Variants in FASTKD2 observed in about 807,000 individuals in gnomAD.
FASTKD2 encodes FAST kinase domain-containing protein 2, mitochondrial.
Under a neutral mutation model 63.6 loss-of-function variants are expected in FASTKD2, and 51 were observed. The ratio of observed to expected loss-of-function variants is 0.80; its 90% CI spans 0.64 to 1.01. The LOEUF is 1.01. FASTKD2 is among the 50% of genes least tolerant of loss of function. The probability of loss-of-function intolerance (pLI) is 0.00; values close to 1 mark genes in which losing one functional copy is unlikely to be tolerated. For missense variants in FASTKD2, 786 were observed against 831.1 expected, an observed-to-expected ratio of 0.95 and a Z score of 0.67; for synonymous variants, 284 against 293.4, an observed-to-expected ratio of 0.97 and a Z score of 0.33.
chr2:206,771,776 C>A lies in FASTKD2; in HGVS notation c.991-118C>A, dbSNP rs187368105. 6 of 766,878 alleles carry A rather than the reference C, an allele frequency of 7.8e-6. No homozygotes were observed. In the Admixed American group the frequency reaches 1.1e-4, roughly 14 times the overall value. The allele number at this position is 766,878 out of a possible 1,614,324, so 47.5% of individuals were successfully genotyped here. The stretch of plus-strand genomic sequence containing the variant: ...GGCTGAGGCAGGAGGATCACTTGAG[C>A]CTGGGAGGTTGAGGCTCCAACCTGG... On this transcript the variant is annotated intron_variant, in intron 4 of 11. Transcript: ENST00000402774.
Position 206,767,093 on chromosome 2 carries a change from A to G in FASTKD2, c.400A>G (p.Asn134Asp), listed in dbSNP as rs1480820339. Reference sequence around the variant, plus strand: ...ATCTGATGATGAATTGAAGAAAGTAAACCTTAATCATGAAGTCTCCAATGA... The same window carrying G: ...ATCTGATGATGAATTGAAGAAAGTAGACCTTAATCATGAAGTCTCCAATGA... ...DKSDDELKKV[N>D]LNHEVSNEDV... The change falls in exon 2 of 12, where the codon AAC becomes GAC. Residue 134 changes from asparagine to aspartate, a missense_variant. Coordinates refer to ENST00000402774, the MANE Select transcript of FASTKD2 (RefSeq NM_001136193.2). The G allele has an allele frequency of 6.2e-7, 1 of 1,614,158 alleles. No homozygotes were observed. The highest frequency in any genetic ancestry group is 8.5e-7 in the Non-Finnish European group (1 of 1,180,000).
intron 9 of FASTKD2, 82 bp from the exon 10 acceptor site, chr2:206,788,731 CAAAAAA>C: frequency 1.8e-5 from 10 of 566,834 alleles, no homozygotes; most frequent in Non-Finnish European, 2.7e-5. Context: ...GACCACATCT[CAAAAAA>C]AAAAAAAAAA....
At position 206,771,998 on chromosome 2, in the gene FASTKD2, A is replaced by T; in HGVS notation, c.1095A>T (p.Glu365Asp). The T allele has an allele frequency of 6.2e-7, 1 of 1,613,782 alleles. No homozygotes were observed. Among genetic ancestry groups the T allele is most frequent in the Non-Finnish European group, 8.5e-7 (1 of 1,179,686 alleles). The change falls in exon 5 of 12, where the codon GAA becomes GAT. Residue 365 changes from glutamate (E) to aspartate (D), a missense_variant. Physicochemically the swap from Glu to Asp is conservative, Grantham distance 45 (BLOSUM62 2). Transcript: ENST00000402774. ...ACCGATCTCTTATACTCCTGGATGA[A>T]TGCAGTAAGGTGGTCCTAGGTAAGA... is the stretch of plus-strand genomic sequence containing the variant. Reference protein sequence around the residue: ...MNHRSLILLDECSKVVLDNIH... With the variant: ...MNHRSLILLDDCSKVVLDNIH...
chr2:206,771,131 C>G, intron 3 of FASTKD2, 51 bp from the exon 4 acceptor site: 3 of 1,138,540 alleles, frequency 2.6e-6, no homozygotes, highest in Non-Finnish European at 3.9e-6. Context: ...TAAGATTTTT[C>G]TTCTGCTTTG....
chr2:206,774,869 A>G (rs12470963), intron 7 of FASTKD2, among the ~76,000 whole-genome samples: 24,398 of 151,944 alleles, frequency 0.16, 3,045 homozygotes, highest in East Asian at 0.64. Flanking sequence ...ATCTTGCATA[A>G]CTGAAACTTT....
intron 7 of FASTKD2, among the ~76,000 whole-genome samples, chr2:206,779,376 T>G (rs1478690603): frequency 3.9e-5 from 6 of 152,212 alleles, no homozygotes; most frequent in Non-Finnish European, 8.8e-5. Flanking sequence ...TATTAGTCTA[T>G]TCTCACGTTG....
At chr2:206,772,123 A>G (rs978360192) in intron 5 of FASTKD2, 58 bp from the exon 6 acceptor site, 20 of 1,590,374 alleles carry the variant, frequency 1.3e-5, no homozygotes, top group African/African-American at 2.7e-5. Flanking sequence ...AGAATAAAGC[A>G]TGTTGTATTC....
rs1256699887 is a variant in FASTKD2, at chr2:206,791,952, A to G, written c.*150A>G. ...AAAATTAATTTTAGGAGTGGAAGAA[A>G]TGTTGTTACTGCCATTTAAAAATAT... On this transcript the variant is annotated 3_prime_UTR_variant, in exon 12 of 12. Transcript: ENST00000402774. 5 of 694,154 alleles carry G rather than the reference A, an allele frequency of 7.2e-6. No individual in the cohort carries two copies. Among genetic ancestry groups the G allele is most frequent in the South Asian group, 5.5e-5 (3 of 54,860 alleles). The allele number at this position is 694,154 out of a possible 1,614,324, so 43.0% of individuals were successfully genotyped here.
At position 206,774,305 on chromosome 2, in the gene FASTKD2, A is replaced by G. The variant is rs766737961; in HGVS notation, c.1335A>G (p.Val445=). The G allele has an allele frequency of 6.2e-7, 1 of 1,604,470 alleles. No individual in the cohort carries two copies. Among genetic ancestry groups the G allele is most frequent in the Non-Finnish European group, 8.5e-7 (1 of 1,171,686 alleles). Residue 445 remains valine, a synonymous_variant, in exon 7 of 12, where the codon GTA becomes GTG. Transcript: ENST00000402774. ...GLMDLFMKRI[V]EDPESLNMKN... Reference sequence around the variant, plus strand: ...TGGACCTGTTTATGAAGAGAATAGTAGAGGATCCTGAATCCCTAAACATGA... The same window carrying G: ...TGGACCTGTTTATGAAGAGAATAGTGGAGGATCCTGAATCCCTAAACATGA...
At chr2:206,776,637 T>A (rs1028790497) in intron 7 of FASTKD2, among the ~76,000 whole-genome samples, 1 of 152,134 alleles carries the variant, frequency 6.6e-6, no homozygotes, top group Non-Finnish European at 1.5e-5. Context: ...CATATTCTTT[T>A]ACTATGTGTA....
intron 2 of FASTKD2, among the ~76,000 whole-genome samples, chr2:206,768,147 G>A (rs1689575851): frequency 6.6e-6 from 1 of 152,182 alleles, no homozygotes; most frequent in Non-Finnish European, 1.5e-5. Context: ...TTATCCTGTA[G>A]GCAATGGGAA....
At position 206,767,197 on chromosome 2, in the gene FASTKD2, T is replaced by A; in HGVS notation, c.504T>A (p.Asp168Glu). ...CTGAGGAATGTAATTCCCTGAGTGA[T>A]GTGTTAGATGCATTTTCAAAAGCGC... Reference protein sequence around the residue: ...KLSEECNSLSDVLDAFSKAPT... With the variant: ...KLSEECNSLSEVLDAFSKAPT... The change falls in exon 2 of 12, where the codon GAT becomes GAA. Residue 168 changes from aspartate to glutamate, a missense_variant. Transcript: ENST00000402774. 1.2e-6 allele frequency: 2 copies of A among 1,614,234 alleles called. No individual in the cohort carries two copies. Among genetic ancestry groups the A allele is most frequent in the Middle Eastern group, 1.6e-4 (1 of 6,062 alleles).
chr2:206,788,834 T>C lies in FASTKD2; in HGVS notation c.1829T>C (p.Met610Thr). 6.5e-7 allele frequency: 1 copy of C among 1,542,578 alleles called. No homozygotes were observed. Among genetic ancestry groups the C allele is most frequent in the Non-Finnish European group, 9.0e-7 (1 of 1,115,470 alleles). The change falls in exon 10 of 12, where the codon ATG becomes ACG. Residue 610 changes from methionine to threonine, a missense_variant. By Grantham distance (81) the Met-to-Thr change is moderately conservative. Transcript: ENST00000402774. ...HNYHIDFEIR[M>T]DTNRNQVLPL... is the part of the protein sequence containing the mutation. ...TTCCTTTCAGATTTTGAAATCAGAA[T>C]GGACACTAACAGGAATCAAGTGCTA...
chr2:206,786,946 A>G, intron 8 of FASTKD2, 47 bp downstream of exon 8: 1 of 1,035,324 alleles, frequency 9.7e-7, no homozygotes, highest in Non-Finnish European at 1.5e-6. Flanking sequence ...CCAATTCTGC[A>G]CTACCACTAG....
At chr2:206,766,408 C>T (rs529498919) in intron 1 of FASTKD2, among the ~76,000 whole-genome samples, 1 of 151,876 alleles carries the variant, frequency 6.6e-6, no homozygotes, top group Non-Finnish European at 1.5e-5. Flanking sequence ...GCTTTTGCAC[C>T]AGAAAAATCT....
Position 206,788,683 on chromosome 2 carries a change from G to A in FASTKD2, c.1814-136G>A. 4.9e-6 allele frequency: 3 copies of A among 614,792 alleles called. No individual in the cohort carries two copies. In the East Asian group the frequency reaches 8.6e-5, roughly 18 times the overall value. The allele number at this position is 614,792 out of a possible 1,614,324, so 38.1% of individuals were successfully genotyped here. A position where few individuals can be genotyped will look rare whatever the true frequency, so the allele number is the denominator to read the frequency against. ...CTGGGAAGTTGCTGCAGTGAGCTGA[G>A]ATCACACTACTGCACTCCAGCCTGG... On this transcript the variant is annotated intron_variant, in intron 9 of 11. Transcript: ENST00000402774.
At chr2:206,785,784 C>T (rs555643795) in intron 7 of FASTKD2, among the ~76,000 whole-genome samples, 1 of 152,242 alleles carries the variant, frequency 6.6e-6, no homozygotes, top group South Asian at 2.1e-4. Flanking sequence ...GCCCTTCATC[C>T]TCCCCAACAC....
intron 3 of FASTKD2, 79 bp downstream of exon 3, chr2:206,770,273 C>T (rs1391098185): frequency 3.2e-6 from 3 of 941,400 alleles, no homozygotes; most frequent in Non-Finnish European, 5.3e-6. Flanking sequence ...GAGATGAAAA[C>T]TAAACTCCTT....
In FASTKD2 at chr2:206,766,808, A is replaced by C. The variant is rs779536604; in HGVS notation, c.115A>C (p.Arg39=). ...RQFSTLVSTS[R]TMRLCCLGLC... ...ATTCAGTACATTAGTTTCAACAAGC[A>C]GAACTATGAGGCTATGTTGTTTGGG... Residue 39 remains arginine (R), a synonymous_variant, in exon 2 of 12, where the codon AGA becomes CGA. Coordinates refer to ENST00000402774, the MANE Select transcript of FASTKD2 (RefSeq NM_001136193.2). 2 of 1,613,116 alleles carry C rather than the reference A, an allele frequency of 1.2e-6. No individual in the cohort carries two copies. The highest frequency in any genetic ancestry group is 3.3e-5 in the Admixed American group (2 of 59,880).
Sources: gnomAD v4.1 joint callset for allele counts (sites outside exome capture counted in the v4.1 genomes callset) on GRCh38, gnomAD v4.1.1 for gene constraint, MANE v1.5 for transcripts, NCBI Gene and HGNC (gene_info 2026-07-23, HGNC 2026-07-21) for gene names.